The following LIPH variants were observed in gnomAD, a reference collection of about 807,000 sequenced individuals.
LIPH encodes the protein lipase H, also known as lipase member H.
Under a neutral mutation model 47.6 loss-of-function variants are expected in LIPH, and 32 were observed. The observed-to-expected ratio is 0.67, with a 90% CI of 0.51 to 0.90. LIPH has a LOEUF of 0.90. Ranked by LOEUF, LIPH falls within the 40% of genes least tolerant of loss-of-function variation. The pLI, the probability that LIPH is intolerant of heterozygous loss-of-function variation, is 0.00. For synonymous variants in LIPH, 190 were observed against 195.6 expected (o/e 0.97, Z 0.24); for missense variants, 497 against 541.4 (o/e 0.92, Z 0.81).
At chr3:185,519,885 G>A (rs925306874) in intron 5 of LIPH, among the ~76,000 whole-genome samples, 2 of 135,854 alleles carry the variant, frequency 1.5e-5, no homozygotes, top group African/African-American at 2.7e-5. Context: ...GATTGCTCAC[G>A]TAGCAATCGA....
chr3:185,527,425 CA>C, intron 4 of LIPH, 58 bp downstream of exon 4: 1 of 1,142,364 alleles, frequency 8.8e-7, no homozygotes, highest in Non-Finnish European at 1.3e-6. Context: ...TATCTCTCCC[CA>C]GGGGACACTC....
intron 3 of LIPH, among the ~76,000 whole-genome samples, chr3:185,529,965 G>GAAAGAAAGAAA (rs1553823294): frequency 1.2e-3 from 119 of 103,082 alleles, no homozygotes; most frequent in East Asian, 2.4e-3. Context: ...AAAGAAAGAA[G>GAAAGAAAGAAA]GAAAGAAAGA....
At chr3:185,528,420 T>G (rs779110968) in intron 3 of LIPH, among the ~76,000 whole-genome samples, 5 of 152,086 alleles carry the variant, frequency 3.3e-5, no homozygotes, top group Non-Finnish European at 5.9e-5. Context: ...CCTTCCTTTT[T>G]GTTGTTAATA....
In LIPH at chr3:185,533,659, A is replaced by T. The variant is rs1453188532; in HGVS notation, c.438T>A (p.Asp146Glu). Residue 146 changes from aspartate (D) to glutamate (E), a missense_variant, in exon 3 of 10, where the codon GAT becomes GAA. Physicochemically the swap from Asp to Glu is conservative, Grantham distance 45 (BLOSUM62 2). Coordinates refer to ENST00000296252, the MANE Select transcript of LIPH (RefSeq NM_139248.3). ...DQMLAEGASLDDIYMIGVSLG... is the reference protein window; with the variant it reads ...DQMLAEGASLEDIYMIGVSLG... ...GACTTACTCCGATCATGTAAATGTC[A>T]TCAAGAGAAGCTCCTTCTGCCTGGA... is the stretch of plus-strand genomic sequence containing the variant. 10 of 1,613,422 alleles carry T rather than the reference A, an allele frequency of 6.2e-6. No individual in the cohort carries two copies. The highest frequency in any genetic ancestry group is 8.5e-6 in the Non-Finnish European group (10 of 1,179,418).
intron 3 of LIPH, among the ~76,000 whole-genome samples, 163 bp downstream of exon 3, chr3:185,533,408 C>G (rs144725287): frequency 9.2e-5 from 14 of 152,174 alleles, no homozygotes; most frequent in Admixed American, 9.2e-4. Context: ...AGCCTGAGGT[C>G]AATATTATTT....
intron 3 of LIPH, 132 bp downstream of exon 3, chr3:185,533,439 A>G: frequency 1.4e-6 from 1 of 739,736 alleles, no homozygotes; most frequent in Non-Finnish European, 2.5e-6. Flanking sequence ...TTTGCATGCA[A>G]TGACCCACAC....
At chr3:185,516,540 C>T (rs1341533977) in intron 7 of LIPH, among the ~76,000 whole-genome samples, 2 of 152,168 alleles carry the variant, frequency 1.3e-5, no homozygotes, top group Non-Finnish European at 2.9e-5. Context: ...AGTTGCTTCC[C>T]AAGGCGTCTA....
In LIPH at chr3:185,509,407, T is replaced by C. The variant is rs551182720; in HGVS notation, c.1269-530A>G. Among the ~76,000 whole-genome samples the C allele has an allele frequency of 2.0e-5, 3 of 151,460 alleles. No individual in the cohort carries two copies. In the East Asian group the frequency reaches 5.9e-4, roughly 30 times the overall value. On this transcript the variant is annotated intron_variant, in intron 9 of 9. Transcript: ENST00000296252. ...ACTTTGGGAGGCCAAGGCGGGTGGA[T>C]CACCTGAGGCCAGGAGTTGGAGACC...
In LIPH at chr3:185,529,983, A is replaced by AGG. The variant is rs1266992130; in HGVS notation, c.527-2399_527-2398insCC. Among the ~76,000 whole-genome samples the AGG allele has an allele frequency of 9.0e-4, 136 of 150,344 alleles. 1 individual carries two copies. Among genetic ancestry groups the AGG allele is most frequent in the African/African-American group, 3.3e-3 (134 of 40,624 alleles). On this transcript the variant is annotated intron_variant, in intron 3 of 9. Transcript: ENST00000296252. Reference sequence around the variant, plus strand: ...GAAAGAAGGAAAGAAAGAAAGAGAGAGAGAGAGAAAATAAGCAGTGCCTGG... The same window carrying AGG: ...GAAAGAAGGAAAGAAAGAAAGAGAGAGGGAGAGAGAAAATAAGCAGTGCCTGG...
intron 3 of LIPH, 73 bp downstream of exon 3, chr3:185,533,498 T>C: frequency 2.1e-6 from 2 of 955,148 alleles, no homozygotes; most frequent in Admixed American, 1.7e-5. Context: ...AGGAGTTGGA[T>C]TGGCCTACAT....
intron 4 of LIPH, among the ~76,000 whole-genome samples, chr3:185,527,108 G>C (rs1720130081): frequency 6.6e-6 from 1 of 152,074 alleles, no homozygotes; most frequent in Non-Finnish European, 1.5e-5. Context: ...GCGTGGCGGC[G>C]TGTGCCTATA....
chr3:185,519,917 A>G (rs1216744605), intron 5 of LIPH, among the ~76,000 whole-genome samples: 1 of 147,268 alleles, frequency 6.8e-6, no homozygotes, highest in Non-Finnish European at 1.5e-5. Flanking sequence ...CTGTCATCCA[A>G]TGCTTGATCC....
At chr3:185,548,395 C>T (rs1227836824) in intron 1 of LIPH, among the ~76,000 whole-genome samples, 1 of 147,244 alleles carries the variant, frequency 6.8e-6, no homozygotes, top group African/African-American at 2.5e-5. Flanking sequence ...CAGAGCGAGA[C>T]TCTGTCTCAC....
At chr3:185,542,738 T>C (rs1007632090) in intron 1 of LIPH, among the ~76,000 whole-genome samples, 2 of 152,104 alleles carry the variant, frequency 1.3e-5, no homozygotes, top group Non-Finnish European at 2.9e-5. Flanking sequence ...CAACAGATGA[T>C]TGGAAAAAGA....
In LIPH at chr3:185,539,679, C is replaced by T. The variant is rs777558614; in HGVS notation, c.50-4547G>A. The stretch of plus-strand genomic sequence containing the variant: ...AGCCACCACGCCCGGCCGCATTTTA[C>T]GGATCTTATATATAGGATCAAATTG... On this transcript the variant is annotated intron_variant, in intron 1 of 9. Coordinates refer to ENST00000296252, the MANE Select transcript of LIPH (RefSeq NM_139248.3). Among the ~76,000 whole-genome samples the T allele has an allele frequency of 3.3e-5, 5 of 152,172 alleles. No individual in the cohort carries two copies. In the South Asian group the frequency reaches 6.2e-4, roughly 19 times the overall value.
chr3:185,541,765 T>A (rs188131233), intron 1 of LIPH, among the ~76,000 whole-genome samples: 2,490 of 148,562 alleles, frequency 0.017, 59 homozygotes, highest in African/African-American at 0.053. Flanking sequence ...TATTATTATT[T>A]TTTTTTTTAG....
At chr3:185,531,415 G>T (rs1326218619) in intron 3 of LIPH, among the ~76,000 whole-genome samples, 1 of 151,812 alleles carries the variant, frequency 6.6e-6, no homozygotes, top group Admixed American at 6.6e-5. Flanking sequence ...GCATGGTGGT[G>T]CACGCCGGTA....
At chr3:185,529,187 A>AG (rs1258615236) in intron 3 of LIPH, among the ~76,000 whole-genome samples, 2 of 147,624 alleles carry the variant, frequency 1.4e-5, no homozygotes, top group African/African-American at 2.5e-5. Context: ...AAAAAAAAAA[A>AG]AAAAAGAAAA....
In LIPH at chr3:185,542,765, T is replaced by C. The variant is rs78814053; in HGVS notation, c.50-7633A>G. Among the ~76,000 whole-genome samples, 980 of 152,326 alleles carry C rather than the reference T, an allele frequency of 6.4e-3. 5 individuals carry two copies. The highest frequency in any genetic ancestry group is 0.024 in the Middle Eastern group (7 of 294). Reference sequence around the variant, plus strand: ...GGAAAAAGAAAATATGATGTATATATACAATGGAATACTATGTGCTCATAA... The same window carrying C: ...GGAAAAAGAAAATATGATGTATATACACAATGGAATACTATGTGCTCATAA... On this transcript the variant is annotated intron_variant, in intron 1 of 9. Transcript: ENST00000296252.
Sources: gnomAD v4.1 joint callset for allele counts (sites outside exome capture counted in the v4.1 genomes callset) on GRCh38, gnomAD v4.1.1 for gene constraint, MANE v1.5 for transcripts, NCBI Gene and HGNC (gene_info 2026-07-23, HGNC 2026-07-21) for gene names.